The following FOCAD variants were observed in gnomAD, a reference collection of about 807,000 sequenced individuals.
FOCAD encodes KIAA1797.
A neutral mutation model predicts 225.6 loss-of-function variants in FOCAD; 198 were observed. The ratio of observed to expected loss-of-function variants is 0.88; its 90% CI spans 0.78 to 0.99. The LOEUF is 0.99. Ranked by LOEUF, FOCAD falls within the 50% of genes least tolerant of loss-of-function variation. FOCAD has a pLI of 0.00. For synonymous variants in FOCAD, 897 were observed against 755.0 expected (o/e 1.19, Z -3.08); for missense variants, 2,713 against 2,123.6 (o/e 1.28, Z -5.46).
chr9:20,909,663 A>G (rs1833275706), intron 22 of FOCAD, among the ~76,000 whole-genome samples: 1 of 152,156 alleles, frequency 6.6e-6, no homozygotes, highest in Non-Finnish European at 1.5e-5. Context: ...AGGATGGATT[A>G]AAATAAGATT....
intron 35 of FOCAD, among the ~76,000 whole-genome samples, chr9:20,975,955 T>C (rs929821323): frequency 6.6e-6 from 1 of 152,064 alleles, no homozygotes; most frequent in East Asian, 1.9e-4. Context: ...GGAAACAAAA[T>C]GAGGAATAAG....
upstream of FOCAD, among the ~76,000 whole-genome samples, chr9:20,655,976 G>A (rs1304291498): frequency 1.3e-5 from 2 of 152,010 alleles, no homozygotes; most frequent in Non-Finnish European, 2.9e-5. Context: ...GGTATGTTGT[G>A]TCTTTGTTCT....
chr9:20,936,680 A>G (rs1220496153), intron 28 of FOCAD, among the ~76,000 whole-genome samples: 1 of 152,146 alleles, frequency 6.6e-6, no homozygotes, highest in Non-Finnish European at 1.5e-5. Context: ...TACAAAAAAA[A>G]CAGGGATGCC....
chr9:20,800,781 C>T lies in FOCAD; in HGVS notation c.1455+11173C>T, dbSNP rs752433126. On this transcript the variant is annotated intron_variant, in intron 11 of 43. Transcript: ENST00000338382. ...TTTTTCAAGGTTTTTAACTTCTTTG[C>T]CATGGGTTCAGACTTCCTCCTTTAG... Among the ~76,000 whole-genome samples, 6 of 152,130 alleles carry T rather than the reference C, an allele frequency of 3.9e-5. No individual in the cohort carries two copies. In the South Asian group the frequency reaches 6.2e-4, roughly 16 times the overall value.
intron 26 of FOCAD, among the ~76,000 whole-genome samples, chr9:20,927,160 T>A (rs890951145): frequency 3.9e-5 from 6 of 152,012 alleles, no homozygotes; most frequent in Admixed American, 1.3e-4. Flanking sequence ...AGAGCTACAG[T>A]TGTAGTAGAA....
chr9:20,819,908 T>C lies in FOCAD; in HGVS notation c.1560+8T>C. ...AAGCTTGGTGTTCACAAGGTTAGTA[T>C]GTTAATTAATTTAGTTGGCGAAAAA... On this transcript the variant is annotated splice_region_variant and intron_variant, in intron 12 of 43. Coordinates refer to ENST00000338382, the MANE Select transcript of FOCAD (RefSeq NM_001375567.1). 1 of 1,461,380 alleles carries C rather than the reference T, an allele frequency of 6.8e-7. No homozygotes were observed. Among genetic ancestry groups the C allele is most frequent in the South Asian group, 1.4e-5 (1 of 73,516 alleles). The allele number at this position is 1,461,380 out of a possible 1,614,324, so 90.5% of individuals were successfully genotyped here. A position where few individuals can be genotyped will look rare whatever the true frequency, so the allele number is the denominator to read the frequency against.
At chr9:20,690,750 T>C (rs528044262) in intron 1 of FOCAD, among the ~76,000 whole-genome samples, 2 of 152,194 alleles carry the variant, frequency 1.3e-5, no homozygotes, top group African/African-American at 4.8e-5. Context: ...GGTCTTACCA[T>C]GTTGCTCAGG....
intron 1 of FOCAD, among the ~76,000 whole-genome samples, chr9:20,710,062 A>G (rs1824708172): frequency 6.6e-6 from 1 of 152,102 alleles, no homozygotes; most frequent in East Asian, 1.9e-4. Flanking sequence ...CAGAGTGCAT[A>G]GCCCCACATC....
chr9:20,710,750 A>G (rs542031764), intron 1 of FOCAD, among the ~76,000 whole-genome samples: 1 of 152,206 alleles, frequency 6.6e-6, no homozygotes, highest in East Asian at 1.9e-4. Flanking sequence ...TTGATAAAGG[A>G]TATTTTCTTA....
In FOCAD at chr9:20,717,847, G is replaced by C; in HGVS notation, c.111G>C (p.Lys37Asn). The C allele has an allele frequency of 3.1e-6, 5 of 1,612,550 alleles. No homozygotes were observed. The highest frequency in any genetic ancestry group is 4.2e-6 in the Non-Finnish European group (5 of 1,179,334). Residue 37 changes from lysine (K) to asparagine (N), a missense_variant, in exon 3 of 44, where the codon AAG (lysine) becomes AAC (asparagine). Lys to Asn is a moderately conservative substitution (Grantham distance 94). Coordinates refer to ENST00000338382, the MANE Select transcript of FOCAD (RefSeq NM_001375567.1). Reference sequence around the variant, plus strand: ...TAAAGGAAAATGGTTTTTCAGAAAAGATTCACCAATCTACAAATCAGGTCT... The same window carrying C: ...TAAAGGAAAATGGTTTTTCAGAAAACATTCACCAATCTACAAATCAGGTCT... ...AVLKENGFSE[K>N]IHQSTNQTPA...
At chr9:20,680,887 T>C (rs1408812694), upstream of FOCAD, among the ~76,000 whole-genome samples, 1 of 152,180 alleles carries the variant, frequency 6.6e-6, no homozygotes, top group Non-Finnish European at 1.5e-5. Flanking sequence ...CAGACCCAGC[T>C]ACTTGGAAAG....
intron 10 of FOCAD, chr9:20,787,014 C>A: frequency 2.2e-6 from 1 of 464,160 alleles, no homozygotes; most frequent in Non-Finnish European, 4.3e-6. Context: ...CATCCTTGCC[C>A]TGGGACTGTG....
At chr9:20,729,431 A>G (rs1434119534) in intron 4 of FOCAD, among the ~76,000 whole-genome samples, 1 of 152,164 alleles carries the variant, frequency 6.6e-6, no homozygotes, top group Non-Finnish European at 1.5e-5. Flanking sequence ...TATTGGATTT[A>G]CGACCCACCT....
In FOCAD at chr9:20,805,735, A is replaced by C. The variant is rs1564013499; in HGVS notation, c.1456-14061A>C. On this transcript the variant is annotated intron_variant, in intron 11 of 43. Coordinates refer to ENST00000338382, the MANE Select transcript of FOCAD (RefSeq NM_001375567.1). ...TATCTTGATGGGTTCATTAAAACAT[A>C]TCTGTTGAAATGGGGGTTGGGAAGA... Among the ~76,000 whole-genome samples the C allele has an allele frequency of 2.0e-5, 3 of 152,152 alleles. No homozygotes were observed. In the South Asian group the frequency reaches 6.2e-4, roughly 32 times the overall value.
intron 16 of FOCAD, among the ~76,000 whole-genome samples, chr9:20,864,036 C>T (rs776763194): frequency 3.2e-4 from 49 of 151,962 alleles, no homozygotes; most frequent in Non-Finnish European, 6.0e-4. Context: ...TGGGGCCGTT[C>T]TCTCTATCTC....
chr9:20,871,332 A>G (rs1425340735), intron 18 of FOCAD, among the ~76,000 whole-genome samples: 2 of 152,076 alleles, frequency 1.3e-5, no homozygotes, highest in Non-Finnish European at 2.9e-5. Context: ...GCACAAAAGT[A>G]ATTGCAGTTT....
intron 27 of FOCAD, 63 bp downstream of exon 27, chr9:20,929,659 C>T (rs1587642594): frequency 7.6e-7 from 1 of 1,311,796 alleles, no homozygotes; most frequent in East Asian, 2.3e-5. Context: ...GATTTTGCAC[C>T]CATATGCACC....
At chr9:20,805,090 G>T (rs17759355) in intron 11 of FOCAD, among the ~76,000 whole-genome samples, 25,137 of 152,142 alleles carry the variant, frequency 0.17, 2,559 homozygotes, top group Non-Finnish European at 0.22. Context: ...AGACACCAGG[G>T]TGGTTGTGGT....
At chr9:20,681,791 T>C (rs1312924961), upstream of FOCAD, among the ~76,000 whole-genome samples, 1 of 152,212 alleles carries the variant, frequency 6.6e-6, no homozygotes. Context: ...GGAAGGAGTA[T>C]ACCCCAGAAG....
Sources: allele counts gnomAD v4.1 joint callset (sites outside exome capture counted in the v4.1 genomes callset), GRCh38; gene constraint gnomAD v4.1.1; transcripts MANE v1.5; gene names NCBI Gene and HGNC (gene_info 2026-07-23, HGNC 2026-07-21).